The following TAB2 variants were observed in gnomAD, a reference collection of about 807,000 sequenced individuals.
TAB2 encodes TGF-beta activated kinase 1 (MAP3K7) binding protein 2.
TAB2 carries 3 observed loss-of-function variants against 65.0 expected under a neutral mutation model. The ratio of observed to expected loss-of-function variants is 0.05; its 90% confidence interval spans 0.02 to 0.12. TAB2 has a LOEUF of 0.12. TAB2 is among the 10% of genes least tolerant of loss of function. TAB2 has a pLI of 1.00. For synonymous variants in TAB2, 298 were observed against 285.1 expected (o/e 1.05, Z -0.46); for missense variants, 623 against 840.3 (o/e 0.74, Z 3.20).
intron 1 of TAB2, among the ~76,000 whole-genome samples, chr6:149,239,440 A>G (rs980989704): frequency 6.6e-6 from 1 of 152,236 alleles, no homozygotes; most frequent in Non-Finnish European, 1.5e-5. Context: ...GGTCATGGAC[A>G]AGTCTAGAAT....
intron 1 of TAB2, among the ~76,000 whole-genome samples, chr6:149,254,025 A>AGAG (rs1231639209): frequency 6.7e-6 from 1 of 149,554 alleles, no homozygotes; most frequent in African/African-American, 2.5e-5. Context: ...AAAGAAAGAA[A>AGAG]AGAAAGAAAG....
rs150831636 is a variant in TAB2 at position 149,255,774 on chromosome 6, G to T, written c.-121+36998G>T. On this transcript the variant is annotated intron_variant, in intron 1 of 1. Transcript: ENST00000606202. The stretch of plus-strand genomic sequence containing the variant: ...TGCTATGTATATGAGCTAGAGAGGA[G>T]TATTTTTAAGTAATCAAGAAGTCAT... 2.1e-3 allele frequency among the ~76,000 whole-genome samples: 313 copies of T among 152,316 alleles called. 1 individual carries two copies. Among genetic ancestry groups the T allele is most frequent in the Middle Eastern group, 0.014 (4 of 294 alleles).
intron 6 of TAB2, among the ~76,000 whole-genome samples, chr6:149,408,405 A>T (rs1782736749): frequency 6.6e-6 from 1 of 152,346 alleles, no homozygotes; most frequent in East Asian, 1.9e-4. Flanking sequence ...CTGTACAATG[A>T]GTAAGAAAGG....
At chr6:149,224,760 T>A (rs1158083845) in intron 1 of TAB2, among the ~76,000 whole-genome samples, 1 of 152,202 alleles carries the variant, frequency 6.6e-6, no homozygotes, top group Non-Finnish European at 1.5e-5. Flanking sequence ...CCTTTTCAAC[T>A]CGTAGTTTGA....
chr6:149,353,335 C>T (rs1187028399), intron 1 of TAB2, among the ~76,000 whole-genome samples: 1 of 152,170 alleles, frequency 6.6e-6, no homozygotes, highest in Non-Finnish European at 1.5e-5. Context: ...GAATATAATA[C>T]AGAATTCAAC....
chr6:149,391,940 A>G (rs2114926897), intron 3 of TAB2, among the ~76,000 whole-genome samples: 1 of 152,180 alleles, frequency 6.6e-6, no homozygotes, highest in African/African-American at 2.4e-5. Context: ...TTTAATTTCC[A>G]AGAGCTAGTT....
At chr6:149,335,260 C>T (rs1404182241) in intron 1 of TAB2, among the ~76,000 whole-genome samples, 1 of 151,706 alleles carries the variant, frequency 6.6e-6, no homozygotes, top group Non-Finnish European at 1.5e-5. Context: ...CACCCCACCC[C>T]ACCTCACCTC....
chr6:149,285,137 T>A (rs2114689251), intron 1 of TAB2, among the ~76,000 whole-genome samples: 1 of 152,322 alleles, frequency 6.6e-6, no homozygotes, highest in South Asian at 2.1e-4. Flanking sequence ...CCTCTCTAAG[T>A]CATGTTTTTA....
chr6:149,345,311 A>G (rs978671075), intron 1 of TAB2, among the ~76,000 whole-genome samples: 6 of 152,152 alleles, frequency 3.9e-5, no homozygotes, highest in Admixed American at 2.0e-4. Context: ...TTAGAAAGTA[A>G]CTGTAAATCT....
chr6:149,344,802 A>G (rs1583106781), intron 1 of TAB2, among the ~76,000 whole-genome samples: 1 of 152,186 alleles, frequency 6.6e-6, no homozygotes, highest in African/African-American at 2.4e-5. Flanking sequence ...GGCATTGTGC[A>G]AAGAGTTTTA....
intron 1 of TAB2, among the ~76,000 whole-genome samples, chr6:149,240,337 C>T (rs1261694889): frequency 2.0e-5 from 3 of 152,144 alleles, no homozygotes; most frequent in Non-Finnish European, 4.4e-5. Flanking sequence ...AGTTGGCCAC[C>T]TCCTGCCGTG....
intron 1 of TAB2, among the ~76,000 whole-genome samples, chr6:149,227,005 C>T (rs941041526): frequency 6.6e-6 from 1 of 152,180 alleles, no homozygotes; most frequent in Non-Finnish European, 1.5e-5. Flanking sequence ...ATTTCAAAAT[C>T]CCTGTGGAAA....
chr6:149,237,962 T>C (rs1777531656), intron 1 of TAB2, among the ~76,000 whole-genome samples: 1 of 152,212 alleles, frequency 6.6e-6, no homozygotes, highest in South Asian at 2.1e-4. Flanking sequence ...AGCCCCACAG[T>C]GTGTGCACCC....
intron 3 of TAB2, among the ~76,000 whole-genome samples, chr6:149,390,540 C>G (rs1781949679): frequency 6.6e-6 from 1 of 152,108 alleles, no homozygotes; most frequent in Non-Finnish European, 1.5e-5. Flanking sequence ...TCTGGAACTT[C>G]AAGAGTGTTT....
chr6:149,319,708 G>T (rs781163683), intron 1 of TAB2, among the ~76,000 whole-genome samples: 1 of 152,170 alleles, frequency 6.6e-6, no homozygotes, highest in Non-Finnish European at 1.5e-5. Flanking sequence ...ACTGAAAGTT[G>T]AATACGTCAA....
At chr6:149,273,773 G>T (rs550633271) in intron 1 of TAB2, among the ~76,000 whole-genome samples, 2 of 152,342 alleles carry the variant, frequency 1.3e-5, no homozygotes, top group African/African-American at 4.8e-5. Flanking sequence ...AATGATGAAA[G>T]AAAACAGAAG....
chr6:149,343,978 T>TAG (rs1780209742), intron 1 of TAB2, among the ~76,000 whole-genome samples: 1 of 152,238 alleles, frequency 6.6e-6, no homozygotes, highest in Non-Finnish European at 1.5e-5. Flanking sequence ...AAGGCAATCC[T>TAG]AATATTCTAG....
At chr6:149,318,326 G>T (rs535317234) in intron 1 of TAB2, among the ~76,000 whole-genome samples, 5 of 152,016 alleles carry the variant, frequency 3.3e-5, no homozygotes, top group African/African-American at 9.7e-5. Flanking sequence ...AGCCCCGGGT[G>T]GGGGAGGGCG....
chr6:149,352,800 AG>A (rs1780533056), intron 1 of TAB2, among the ~76,000 whole-genome samples: 2 of 152,198 alleles, frequency 1.3e-5, no homozygotes, highest in Non-Finnish European at 2.9e-5. Context: ...CTTTATACTT[AG>A]GGACTTTGAT....
Sources: gnomAD v4.1 joint callset for allele counts (sites outside exome capture counted in the v4.1 genomes callset) on GRCh38, gnomAD v4.1.1 for gene constraint, MANE v1.5 for transcripts, NCBI Gene and HGNC (gene_info 2026-07-23, HGNC 2026-07-21) for gene names.